Variants in GUCY2F observed in about 807,000 individuals in gnomAD.
The protein encoded by GUCY2F is retinal guanylyl cyclase 2.
Under a neutral mutation model 73.1 loss-of-function variants are expected in GUCY2F, and 61 were observed. The ratio of observed to expected loss-of-function variants is 0.83; its 90% CI spans 0.68 to 1.03. The LOEUF (loss-of-function observed/expected upper bound fraction) is 1.03. Among genes scored for constraint, GUCY2F ranks in the 50% least tolerant of loss-of-function variants. The pLI, the probability that GUCY2F is intolerant of heterozygous loss-of-function variation, is 0.00. For synonymous variants in GUCY2F, 331 were observed against 307.8 expected, an observed-to-expected ratio of 1.08 and a Z score of -0.79; for missense variants, 912 against 854.3, an observed-to-expected ratio of 1.07 and a Z score of -0.84.
chrX:109,435,108 G>A (rs758082021), intron 7 of GUCY2F, among the ~76,000 whole-genome samples: 5 of 111,152 alleles, frequency 4.5e-5, no homozygotes, highest in South Asian at 3.7e-4. Context: ...TTGGCAATGC[G>A]GGCTCTTTTT....
intron 11 of GUCY2F, 47 bp from the exon 12 acceptor site, chrX:109,395,536 G>A: frequency 9.0e-7 from 1 of 1,112,571 alleles, no homozygotes; most frequent in Non-Finnish European, 1.2e-6. Flanking sequence ...TGGAAAAAAT[G>A]ACCAAGATTT....
intron 8 of GUCY2F, among the ~76,000 whole-genome samples, chrX:109,427,015 T>C (rs1481750334): frequency 8.9e-6 from 1 of 111,742 alleles, no homozygotes; most frequent in Non-Finnish European, 1.9e-5. Context: ...CCTCAAAAGC[T>C]TGTGAATGTG....
In GUCY2F at chrX:109,460,691, A is replaced by T. The variant is rs139258049; in HGVS notation, c.1032+4451T>A. 5.9e-3 allele frequency among the ~76,000 whole-genome samples: 665 copies of T among 111,920 alleles called. 3 individuals carry two copies. The highest frequency in any genetic ancestry group is 0.02 in the African/African-American group (630 of 30,869). On this transcript the variant is annotated intron_variant, in intron 3 of 19. Transcript: ENST00000218006. ...ATAAAACATAGATCCTGCAGAGAAG[A>T]GAAAGAAAGAGGCGTTTAAGAATTA...
chrX:109,462,476 C>G (rs1218118469), intron 3 of GUCY2F, among the ~76,000 whole-genome samples: 7 of 112,360 alleles, frequency 6.2e-5, no homozygotes, highest in African/African-American at 2.3e-4. Flanking sequence ...CAAATGCATC[C>G]AAACAGGCTT....
At position 109,428,531 on chromosome X, in the gene GUCY2F, C is replaced by A. The variant is rs1336346586; in HGVS notation, c.1791+1776G>T. Reference sequence around the variant, plus strand: ...CTGAGAAACCGTTACAGATTAAAAGCAACTAAAAAGATATGACAGCAAACT... The same window carrying A: ...CTGAGAAACCGTTACAGATTAAAAGAAACTAAAAAGATATGACAGCAAACT... On this transcript the variant is annotated intron_variant, in intron 8 of 19. Transcript: ENST00000218006. Among the ~76,000 whole-genome samples the A allele has an allele frequency of 1.8e-3, 200 of 111,867 alleles. 1 individual carries two copies. The highest frequency in any genetic ancestry group is 3.3e-3 in the Non-Finnish European group (175 of 53,151).
chrX:109,374,650 A>G (rs1218013922), intron 19 of GUCY2F, among the ~76,000 whole-genome samples: 1 of 110,892 alleles, frequency 9.0e-6, no homozygotes, highest in African/African-American at 3.3e-5. Context: ...GAGAGAGGCT[A>G]GAGAGTATGT....
At chrX:109,446,942 A>C (rs1411098056) in intron 6 of GUCY2F, among the ~76,000 whole-genome samples, 4 of 112,176 alleles carry the variant, frequency 3.6e-5, no homozygotes, top group Non-Finnish European at 3.8e-5. Flanking sequence ...AAAATCAAAA[A>C]ATCCCATCAA....
chrX:109,474,935 C>A (rs1274470255), intron 2 of GUCY2F, among the ~76,000 whole-genome samples: 1 of 112,304 alleles, frequency 8.9e-6, no homozygotes, highest in African/African-American at 3.2e-5. Context: ...CTACAGTGCT[C>A]TTGACACCAT....
chrX:109,444,003 C>A (rs1489548369), intron 6 of GUCY2F, among the ~76,000 whole-genome samples: 1 of 111,777 alleles, frequency 8.9e-6, no homozygotes, highest in East Asian at 2.8e-4. Context: ...TCTATACTTT[C>A]TACTTAAGGC....
At chrX:109,384,168 A>G (rs1270233643) in intron 16 of GUCY2F, among the ~76,000 whole-genome samples, 1 of 111,877 alleles carries the variant, frequency 8.9e-6, no homozygotes, top group Non-Finnish European at 1.9e-5. Context: ...TCTACACATG[A>G]GTGATGGGAA....
intron 11 of GUCY2F, among the ~76,000 whole-genome samples, chrX:109,396,602 A>T (rs1454757687): frequency 1.8e-5 from 2 of 111,606 alleles, no homozygotes; most frequent in Non-Finnish European, 3.8e-5. Flanking sequence ...TCTAACTGCC[A>T]CATCAGGAAC....
chrX:109,424,812 GC>G (rs1931446542), intron 8 of GUCY2F, among the ~76,000 whole-genome samples: 1 of 109,300 alleles, frequency 9.1e-6, no homozygotes, highest in Non-Finnish European at 1.9e-5. Flanking sequence ...TGTCACCCAG[GC>G]TGGAGTTCAA....
chrX:109,438,918 G>C (rs1191403296), intron 7 of GUCY2F, among the ~76,000 whole-genome samples: 1 of 112,786 alleles, frequency 8.9e-6, no homozygotes, highest in Non-Finnish European at 1.9e-5. Flanking sequence ...ATTCCACTGG[G>C]TATTGTTCTA....
intron 8 of GUCY2F, among the ~76,000 whole-genome samples, chrX:109,417,465 G>A (rs1364723046): frequency 1.8e-5 from 2 of 110,942 alleles, no homozygotes; most frequent in African/African-American, 6.5e-5. Context: ...TCCTAGGACA[G>A]TCACTAAAAC....
intron 5 of GUCY2F, among the ~76,000 whole-genome samples, chrX:109,448,418 G>A (rs911572141): frequency 6.3e-5 from 7 of 111,877 alleles, no homozygotes; most frequent in South Asian, 3.7e-4. Flanking sequence ...AGAGAGGTGC[G>A]AAGGCTCTGC....
At chrX:109,471,922 G>T (rs955318874) in intron 2 of GUCY2F, among the ~76,000 whole-genome samples, 1 of 112,055 alleles carries the variant, frequency 8.9e-6, no homozygotes, top group Non-Finnish European at 1.9e-5. Flanking sequence ...TAAAGTAATA[G>T]TATGGTTGCT....
intron 9 of GUCY2F, among the ~76,000 whole-genome samples, chrX:109,405,146 C>T (rs1202232039): frequency 9.0e-6 from 1 of 111,513 alleles, no homozygotes; most frequent in Non-Finnish European, 1.9e-5. Flanking sequence ...AACTCTAATC[C>T]ATAAAGTAAG....
intron 7 of GUCY2F, among the ~76,000 whole-genome samples, chrX:109,432,267 C>T (rs1235706179): frequency 8.9e-6 from 1 of 112,163 alleles, no homozygotes; most frequent in Non-Finnish European, 1.9e-5. Context: ...CTCACACTCT[C>T]TTCATTTACC....
chrX:109,436,841 C>T (rs1282156536), intron 7 of GUCY2F, among the ~76,000 whole-genome samples: 1 of 108,526 alleles, frequency 9.2e-6, no homozygotes, highest in African/African-American at 3.4e-5. Flanking sequence ...CACTAAATGA[C>T]GGGTTAATGG....
Sources: allele counts gnomAD v4.1 joint callset (sites outside exome capture counted in the v4.1 genomes callset), GRCh38; gene constraint gnomAD v4.1.1; transcripts MANE v1.5; gene names NCBI Gene and HGNC (gene_info 2026-07-23, HGNC 2026-07-21).